The following HERC5 variants were observed in gnomAD, a reference collection of about 807,000 sequenced individuals.
The protein encoded by HERC5 is HECT and RLD domain containing E3 ubiquitin protein ligase 5, also known as E3 ISG15--protein ligase HERC5.
A neutral mutation model predicts 119.6 loss-of-function variants in HERC5; 99 were observed. The ratio of observed to expected loss-of-function variants is 0.83; its 90% CI spans 0.70 to 0.98. HERC5 has a LOEUF of 0.98. HERC5 is among the 50% of genes least tolerant of loss of function. The pLI, the probability that HERC5 is intolerant of heterozygous loss-of-function variation, is 0.00. For synonymous variants in HERC5, 478 were observed against 445.9 expected (o/e 1.07, Z -0.91); for missense variants, 1,267 against 1,241.3 (o/e 1.02, Z -0.31).
At chr4:88,505,444 T>A (rs1026059486) in intron 22 of HERC5, among the ~76,000 whole-genome samples, 4 of 152,240 alleles carry the variant, frequency 2.6e-5, no homozygotes, top group South Asian at 4.1e-4. Context: ...CTTGCTATTA[T>A]GTGTCTTTTT....
chr4:88,479,142 G>A (rs922356636), intron 12 of HERC5, among the ~76,000 whole-genome samples: 10 of 151,798 alleles, frequency 6.6e-5, no homozygotes, highest in Non-Finnish European at 1.3e-4. Flanking sequence ...AAAATTAGCC[G>A]GGCATGGTGG....
intron 1 of HERC5, among the ~76,000 whole-genome samples, chr4:88,458,911 A>G (rs1290274102): frequency 1.3e-5 from 2 of 152,148 alleles, no homozygotes; most frequent in Non-Finnish European, 2.9e-5. Flanking sequence ...ACTGTCGGGA[A>G]GTGTTTATTA....
intron 3 of HERC5, among the ~76,000 whole-genome samples, chr4:88,460,767 T>A (rs1417573012): frequency 6.6e-6 from 1 of 152,178 alleles, no homozygotes; most frequent in Non-Finnish European, 1.5e-5. Flanking sequence ...GGTGGGAGGA[T>A]CACTTGTAGC....
chr4:88,459,821 G>C (rs1173207624), intron 2 of HERC5, among the ~76,000 whole-genome samples: 1 of 152,034 alleles, frequency 6.6e-6, no homozygotes, highest in Admixed American at 6.5e-5. Flanking sequence ...CTTTTCCCTA[G>C]TAGATTATAT....
chr4:88,470,273 G>T (rs1027717680), intron 9 of HERC5, among the ~76,000 whole-genome samples: 1 of 152,170 alleles, frequency 6.6e-6, no homozygotes, highest in East Asian at 1.9e-4. Context: ...CAGTGGAATA[G>T]AAATAAATAG....
chr4:88,504,655 A>G (rs189115986), intron 22 of HERC5, 58 bp downstream of exon 22: 1 of 1,089,530 alleles, frequency 9.2e-7, no homozygotes, highest in Non-Finnish European at 1.3e-6. Flanking sequence ...TGGGATAAAA[A>G]TTTCCTTTAT....
intron 15 of HERC5, 47 bp downstream of exon 15, chr4:88,487,226 G>A (rs373086607): frequency 1.6e-5 from 17 of 1,067,044 alleles, no homozygotes; most frequent in South Asian, 1.2e-4. Context: ...CATGCTAAGC[G>A]CCTTCTTAAT....
chr4:88,504,491 C>G lies in HERC5; in HGVS notation c.2767-4C>G. On this transcript the variant is annotated splice_polypyrimidine_tract_variant and splice_region_variant and intron_variant, in intron 21 of 22. Transcript: ENST00000264350. ...TCAATAACTTTTTTTTGTATTTTCT[C>G]TAGAATGCACGTTATGAACCAGGAT... 1 of 1,572,520 alleles carries G rather than the reference C, an allele frequency of 6.4e-7. No homozygotes were observed. The highest frequency in any genetic ancestry group is 8.6e-7 in the Non-Finnish European group (1 of 1,158,514).
rs1344077278 is a variant in HERC5 at position 88,468,352 on chromosome 4, A to G, written c.1064A>G (p.His355Arg). 63 of 1,608,820 alleles carry G rather than the reference A, an allele frequency of 3.9e-5. No homozygotes were observed. Among genetic ancestry groups the G allele is most frequent in the Non-Finnish European group, 4.8e-5 (57 of 1,177,172 alleles). Residue 355 changes from histidine (H) to arginine (R), a missense_variant, in exon 8 of 23, where the codon CAT becomes CGT. By Grantham distance (29) the His-to-Arg change is conservative. Transcript: ENST00000264350. Reference sequence around the variant, plus strand: ...TCTTTGTGCATCCTTTCAGAAAGCCATACCTCAGAAAAGGAGTTAATAATG... The same window carrying G: ...TCTTTGTGCATCCTTTCAGAAAGCCGTACCTCAGAAAAGGAGTTAATAATG... The part of the protein sequence containing the change: ...SSSEELKLES[H>R]TSEKELIMIA...
intron 20 of HERC5, 27 bp from the exon 21 acceptor site, chr4:88,504,205 T>A: frequency 6.8e-7 from 1 of 1,468,228 alleles, no homozygotes; most frequent in Non-Finnish European, 9.4e-7. Flanking sequence ...TTGCAGTAAG[T>A]GGAAATAACA....
chr4:88,457,216 G>C lies in HERC5; in HGVS notation c.-54G>C. 4.7e-6 allele frequency: 6 copies of C among 1,265,578 alleles called. No homozygotes were observed. Among genetic ancestry groups the C allele is most frequent in the Non-Finnish European group, 6.0e-6 (6 of 1,003,528 alleles). 78.4% of individuals were successfully genotyped at this position (1,265,578 alleles called of 1,614,324 possible). ...TGAGGCAGTGGGCGCGCTCAGTCCC[G>C]GGACCAGGCGTTCTCTCCTCTCGCC... On this transcript the variant is annotated 5_prime_UTR_variant, in exon 1 of 23. Coordinates refer to ENST00000264350, the MANE Select transcript of HERC5 (RefSeq NM_016323.4).
intron 4 of HERC5, among the ~76,000 whole-genome samples, chr4:88,463,311 C>G (rs1254231489): frequency 6.6e-6 from 1 of 152,212 alleles, no homozygotes; most frequent in African/African-American, 2.4e-5. Context: ...TGGTTTGACC[C>G]TTTCACAGGT....
At chr4:88,499,216 T>C (rs1199738172) in intron 18 of HERC5, among the ~76,000 whole-genome samples, 1 of 152,236 alleles carries the variant, frequency 6.6e-6, no homozygotes, top group Non-Finnish European at 1.5e-5. Flanking sequence ...TCCCAGAGTA[T>C]TGGCAGTGAT....
chr4:88,459,557 TG>T, intron 2 of HERC5, 87 bp downstream of exon 2: 1 of 847,364 alleles, frequency 1.2e-6, no homozygotes, highest in Non-Finnish European at 1.8e-6. Flanking sequence ...TCTTGTCCCC[TG>T]CTTTATATAG....
chr4:88,482,864 A>G (rs1448710633), intron 13 of HERC5, among the ~76,000 whole-genome samples: 1 of 151,882 alleles, frequency 6.6e-6, no homozygotes, highest in African/African-American at 2.4e-5. Flanking sequence ...CTCCTGGCCT[A>G]AAGTGATCTG....
intron 12 of HERC5, 83 bp downstream of exon 12, chr4:88,476,113 C>A: frequency 9.3e-7 from 1 of 1,075,346 alleles, no homozygotes; most frequent in Non-Finnish European, 1.4e-6. Flanking sequence ...AACTAAGATA[C>A]TTAGAAATGT....
chr4:88,462,420 C>T (rs1156786307), intron 4 of HERC5, 64 bp downstream of exon 4: 2 of 1,337,622 alleles, frequency 1.5e-6, no homozygotes, highest in African/African-American at 1.4e-5. Flanking sequence ...ATTTAATGGA[C>T]CTCCCTGTCA....
intron 13 of HERC5, among the ~76,000 whole-genome samples, chr4:88,480,093 C>T (rs1741231071): frequency 6.6e-6 from 1 of 150,936 alleles, no homozygotes; most frequent in African/African-American, 2.4e-5. Flanking sequence ...AAAGAAATAA[C>T]CTGTGTGCTT....
intron 10 of HERC5, among the ~76,000 whole-genome samples, chr4:88,471,360 A>G (rs903897918): frequency 6.7e-6 from 1 of 149,572 alleles, no homozygotes; most frequent in African/African-American, 2.5e-5. Flanking sequence ...TTTTTTTGAG[A>G]CAAGGTCTCA....
Sources: allele counts gnomAD v4.1 joint callset (sites outside exome capture counted in the v4.1 genomes callset), GRCh38; gene constraint gnomAD v4.1.1; transcripts MANE v1.5; gene names NCBI Gene and HGNC (gene_info 2026-07-23, HGNC 2026-07-21).